BCAT1: variants seen among roughly 807,000 people sequenced by gnomAD.
BCAT1 encodes branched-chain-amino-acid aminotransferase, cytosolic.
Under a neutral mutation model 52.4 loss-of-function variants are expected in BCAT1, and 48 were observed. That is an observed-to-expected ratio of 0.92 (90% CI 0.73 to 1.16). The LOEUF (loss-of-function observed/expected upper bound fraction) is 1.16, where lower values mean the gene tolerates loss of function less well. Among genes scored for constraint, BCAT1 ranks in the 50% most tolerant of loss-of-function variants. The pLI is 0.00. For synonymous variants in BCAT1, 167 were observed against 161.3 expected (o/e 1.04, Z -0.27); for missense variants, 451 against 457.1 (o/e 0.99, Z 0.12).
intron 8 of BCAT1, among the ~76,000 whole-genome samples, chr12:24,835,763 G>T (rs1035558843): frequency 4.9e-4 from 74 of 151,782 alleles, no homozygotes; most frequent in Non-Finnish European, 8.2e-4. Context: ...TAATGTTTTT[G>T]ATTTTTTTGT....
At chr12:24,825,146 T>C (rs919649805) in intron 10 of BCAT1, among the ~76,000 whole-genome samples, 3 of 151,612 alleles carry the variant, frequency 2.0e-5, no homozygotes, top group African/African-American at 4.8e-5. Flanking sequence ...TATATATATA[T>C]ATATATATAT....
At position 24,812,988 on chromosome 12, in the gene BCAT1, T is replaced by A. The variant is rs1276157413; in HGVS notation, c.*5020A>T. 6.6e-6 allele frequency: 1 copy of A among 152,014 alleles called. No individual in the cohort carries two copies. Among genetic ancestry groups the A allele is most frequent in the Non-Finnish European group, 1.5e-5 (1 of 67,910 alleles). 9.4% of individuals were successfully genotyped at this position (152,014 alleles called of 1,614,324 possible). ...AAATACACTTTCAGACAGAATAAGATGACTTAAAACTTCAATACTTGTATC... is the reference window on the plus strand; with the variant it reads ...AAATACACTTTCAGACAGAATAAGAAGACTTAAAACTTCAATACTTGTATC... On this transcript the variant is annotated 3_prime_UTR_variant, in exon 11 of 11. Coordinates refer to ENST00000261192, the MANE Select transcript of BCAT1 (RefSeq NM_005504.7).
chr12:24,824,181 A>C (rs1940275304), intron 10 of BCAT1, among the ~76,000 whole-genome samples: 1 of 150,356 alleles, frequency 6.7e-6, no homozygotes, highest in African/African-American at 2.5e-5. Flanking sequence ...CCTAGTGACT[A>C]CGTTTTCCTT....
chr12:24,946,096 C>T (rs1437087423), intron 1 of BCAT1, among the ~76,000 whole-genome samples: 1 of 152,174 alleles, frequency 6.6e-6, no homozygotes. Context: ...AAGAAGCTGG[C>T]AACCTGAAAC....
Position 24,854,987 on chromosome 12 carries a change from G to A in BCAT1, c.511-5038C>T, listed in dbSNP as rs370568480. Among the ~76,000 whole-genome samples, 25 of 152,058 alleles carry A rather than the reference G, an allele frequency of 1.6e-4. 1 individual carries two copies. Among genetic ancestry groups the A allele is most frequent in the South Asian group, 1.2e-3 (6 of 4,808 alleles). ...CTTAGGGACCTGCTGAGTGCCCCCC[G>A]CCCCTGAGCATAAAAATAAAGGAAC... On this transcript the variant is annotated intron_variant, in intron 5 of 10. Coordinates refer to ENST00000261192, the MANE Select transcript of BCAT1 (RefSeq NM_005504.7).
In BCAT1 at chr12:24,818,048, T is replaced by C. The variant is rs779748035; in HGVS notation, c.1121A>G (p.Tyr374Cys). ...RILSKLTDIQYGREESDWTIV... is the reference protein window; with the variant it reads ...RILSKLTDIQCGREESDWTIV... ...TGTCCAGTCGCTCTCTTCTCTTCCA[T>C]ACTGCAACAAAAGCAAGAAAACGTG... is the stretch of plus-strand genomic sequence containing the variant. The change falls in exon 11 of 11, where the codon TAT (tyrosine) becomes TGT (cysteine). Residue 374 changes from tyrosine (Y) to cysteine (C), a missense_variant and splice_region_variant. Coordinates refer to ENST00000261192, the MANE Select transcript of BCAT1 (RefSeq NM_005504.7). The C allele has an allele frequency of 1.9e-6, 3 of 1,613,070 alleles. No individual in the cohort carries two copies. Among genetic ancestry groups the C allele is most frequent in the African/African-American group, 1.3e-5 (1 of 74,992 alleles).
chr12:24,862,763 A>G (rs1941883306), intron 5 of BCAT1, among the ~76,000 whole-genome samples: 3 of 152,104 alleles, frequency 2.0e-5, no homozygotes, highest in African/African-American at 7.2e-5. Context: ...TCAGTTAACA[A>G]TATTTAGGAC....
intron 1 of BCAT1, among the ~76,000 whole-genome samples, chr12:24,910,583 GAAAT>G (rs1943307061): frequency 6.6e-6 from 1 of 152,072 alleles, no homozygotes; most frequent in African/African-American, 2.4e-5. Flanking sequence ...AGATAAACAT[GAAAT>G]AAGTAATCCT....
chr12:24,838,201 C>G (rs1472243278), intron 7 of BCAT1, among the ~76,000 whole-genome samples: 2 of 152,196 alleles, frequency 1.3e-5, no homozygotes, highest in African/African-American at 4.8e-5. Flanking sequence ...ACTCTATCTT[C>G]ATCCTTCTAT....
intron 5 of BCAT1, among the ~76,000 whole-genome samples, chr12:24,859,799 T>A (rs1027449112): frequency 2.0e-5 from 3 of 152,112 alleles, no homozygotes; most frequent in African/African-American, 7.2e-5. Context: ...CCTGATCTGG[T>A]CAATACTTTA....
At chr12:24,894,557 A>G (rs1411460007) in intron 2 of BCAT1, 82 bp from the exon 3 acceptor site, 6 of 1,117,564 alleles carry the variant, frequency 5.4e-6, no homozygotes, top group Middle Eastern at 2.1e-4. Context: ...AAAAAAAAAA[A>G]GGAAATCAAT....
At position 24,884,216 on chromosome 12, in the gene BCAT1, GACAT is replaced by G. The variant is rs200347103; in HGVS notation, c.280-2809_280-2806del. ...TTACAATGACATGGGGAACCCGTTGGACATTATGCTAAGTGAAACAAGACAAGTA... is the reference window on the plus strand; with the variant it reads ...TTACAATGACATGGGGAACCCGTTGGTATGCTAAGTGAAACAAGACAAGTA... On this transcript the variant is annotated intron_variant, in intron 3 of 10. Transcript: ENST00000261192. Among the ~76,000 whole-genome samples, 17 of 152,256 alleles carry G rather than the reference GACAT, an allele frequency of 1.1e-4. No individual in the cohort carries two copies. The East Asian group carries it at 2.9e-3, about 26-fold the overall frequency.
chr12:24,823,146 C>T (rs536461263), intron 10 of BCAT1, among the ~76,000 whole-genome samples: 1 of 151,874 alleles, frequency 6.6e-6, no homozygotes, highest in South Asian at 2.1e-4. Flanking sequence ...GCCTCAACCT[C>T]CCTAGGCTTA....
Position 24,848,482 on chromosome 12 carries a change from G to A in BCAT1, c.674+1304C>T, listed in dbSNP as rs757497505. Among the ~76,000 whole-genome samples, 110 of 152,104 alleles carry A rather than the reference G, an allele frequency of 7.2e-4. 1 individual carries two copies. Among genetic ancestry groups the A allele is most frequent in the Non-Finnish European group, 2.9e-4 (20 of 68,030 alleles). On this transcript the variant is annotated intron_variant, in intron 6 of 10. Coordinates refer to ENST00000261192, the MANE Select transcript of BCAT1 (RefSeq NM_005504.7). ...ATAAATTACAACCTGCCCAAATACC[G>A]GTTAATAAAGATTGCCCTGCAATTT...
chr12:24,851,431 A>G (rs1195909762), intron 5 of BCAT1, among the ~76,000 whole-genome samples: 2 of 152,220 alleles, frequency 1.3e-5, no homozygotes, highest in Admixed American at 1.3e-4. Context: ...GATCACCAAA[A>G]TCAGGCAGGT....
intron 1 of BCAT1, among the ~76,000 whole-genome samples, chr12:24,931,778 T>C (rs1265313297): frequency 6.6e-6 from 1 of 152,088 alleles, no homozygotes; most frequent in African/African-American, 2.4e-5. Flanking sequence ...TAAAAACAAC[T>C]AGAGCATACG....
intron 9 of BCAT1, 94 bp downstream of exon 9, chr12:24,832,629 G>A: frequency 7.3e-7 from 1 of 1,367,932 alleles, no homozygotes; most frequent in East Asian, 2.5e-5. Flanking sequence ...TGCATCTTGG[G>A]TCTGGGTCCA....
chr12:24,925,699 C>G (rs1367834987), intron 1 of BCAT1, among the ~76,000 whole-genome samples: 1 of 152,170 alleles, frequency 6.6e-6, no homozygotes, highest in Non-Finnish European at 1.5e-5. Context: ...GCCTGATTGT[C>G]CTGCCTCAGC....
At chr12:24,917,549 A>G (rs957952902) in intron 1 of BCAT1, among the ~76,000 whole-genome samples, 3 of 152,084 alleles carry the variant, frequency 2.0e-5, no homozygotes, top group African/African-American at 7.2e-5. Context: ...TGTATTTAAG[A>G]CTACTTGTCA....
Sources: gnomAD v4.1 joint callset for allele counts (sites outside exome capture counted in the v4.1 genomes callset) on GRCh38, gnomAD v4.1.1 for gene constraint, MANE v1.5 for transcripts, NCBI Gene and HGNC (gene_info 2026-07-23, HGNC 2026-07-21) for gene names.